PRKG1: variants seen among roughly 807,000 people sequenced by gnomAD.
The protein encoded by PRKG1 is protein kinase cGMP-dependent 1, also known as cGMP-dependent protein kinase 1.
A neutral mutation model predicts 88.1 loss-of-function variants in PRKG1; 35 were observed. The observed-to-expected ratio is 0.40, with a 90% confidence interval of 0.30 to 0.53. PRKG1 has a LOEUF of 0.53. Ranked by LOEUF, PRKG1 falls within the 20% of genes least tolerant of loss-of-function variation. PRKG1 has a pLI of 0.59. For missense variants in PRKG1, 540 were observed against 839.8 expected, an observed-to-expected ratio of 0.64 and a Z score of 4.41; for synonymous variants, 303 against 292.5, an observed-to-expected ratio of 1.04 and a Z score of -0.37.
intron 1 of PRKG1, among the ~76,000 whole-genome samples, chr10:51,020,192 G>C (rs1276816671): frequency 6.6e-6 from 1 of 152,174 alleles, no homozygotes; most frequent in African/African-American, 2.4e-5. Flanking sequence ...GATGGAGACA[G>C]GGTTTTGCCA....
At chr10:52,058,818 TA>T (rs1377624565) in intron 6 of PRKG1, among the ~76,000 whole-genome samples, 8 of 151,972 alleles carry the variant, frequency 5.3e-5, no homozygotes, top group Non-Finnish European at 8.8e-5. Flanking sequence ...TTATCAAATT[TA>T]GAAACTTTTA....
intron 2 of PRKG1, among the ~76,000 whole-genome samples, chr10:51,278,792 T>C (rs1409200997): frequency 2.6e-5 from 4 of 152,208 alleles, no homozygotes; most frequent in Non-Finnish European, 5.9e-5. Flanking sequence ...GTGGGATCAG[T>C]GGTGATATCC....
intron 1 of PRKG1, among the ~76,000 whole-genome samples, chr10:51,000,967 A>G (rs986822355): frequency 5.9e-5 from 9 of 152,198 alleles, no homozygotes; most frequent in African/African-American, 2.2e-4. Flanking sequence ...CTGTTTGTCA[A>G]CTTCTTCATA....
rs117941101 is a variant in PRKG1, at chr10:51,906,168, G to A, written c.699-1339G>A. Reference sequence around the variant, plus strand: ...TAGGAGTCGGCCTGGAGAAAGGTGTGTGTATGGAGGAAGACCTGGAAAGGG... The same window carrying A: ...TAGGAGTCGGCCTGGAGAAAGGTGTATGTATGGAGGAAGACCTGGAAAGGG... On this transcript the variant is annotated intron_variant, in intron 4 of 17. Transcript: ENST00000373980. 4.6e-3 allele frequency among the ~76,000 whole-genome samples: 695 copies of A among 152,264 alleles called. 2 individuals are homozygous for A. Among genetic ancestry groups the A allele is most frequent in the East Asian group, 0.022 (116 of 5,176 alleles).
At chr10:52,034,010 G>A (rs1369818420) in intron 5 of PRKG1, among the ~76,000 whole-genome samples, 1 of 151,698 alleles carries the variant, frequency 6.6e-6, no homozygotes, top group Admixed American at 6.6e-5. Context: ...GCCAGGAAAA[G>A]GACTTTCACA....
intron 2 of PRKG1, among the ~76,000 whole-genome samples, chr10:51,207,405 C>T (rs1385659313): frequency 6.6e-6 from 1 of 152,132 alleles, no homozygotes; most frequent in Non-Finnish European, 1.5e-5. Flanking sequence ...TGTCTAAGTC[C>T]TTCACCAGCA....
intron 3 of PRKG1, among the ~76,000 whole-genome samples, chr10:51,715,014 C>G (rs1018857181): frequency 6.6e-6 from 1 of 151,784 alleles, no homozygotes. Context: ...TTTTTATTTC[C>G]CCCCGTGGGA....
At chr10:51,014,967 ACTT>A (rs899030129) in intron 1 of PRKG1, among the ~76,000 whole-genome samples, 1 of 152,192 alleles carries the variant, frequency 6.6e-6, no homozygotes, top group African/African-American at 2.4e-5. Context: ...TGATGTTTTT[ACTT>A]CTTAGAGCAG....
intron 1 of PRKG1, among the ~76,000 whole-genome samples, chr10:50,993,120 T>A (rs10822055): frequency 0.18 from 27,009 of 152,084 alleles, 2,963 homozygotes; most frequent in South Asian, 0.3. Flanking sequence ...GGAGTCCCTC[T>A]TGTGTATTGA....
At chr10:51,981,554 T>TGATGTGA (rs1844011010) in intron 5 of PRKG1, among the ~76,000 whole-genome samples, 1 of 152,044 alleles carries the variant, frequency 6.6e-6, no homozygotes, top group Admixed American at 6.6e-5. Flanking sequence ...CCACTGTGCT[T>TGATGTGA]CAGCTTGGGT....
chr10:51,601,378 G>T (rs1387490509), intron 3 of PRKG1, among the ~76,000 whole-genome samples: 1 of 152,160 alleles, frequency 6.6e-6, no homozygotes, highest in Non-Finnish European at 1.5e-5. Flanking sequence ...CTAACAATTT[G>T]AAGTGAAGGG....
At chr10:51,845,182 A>G (rs959606792) in intron 4 of PRKG1, among the ~76,000 whole-genome samples, 2 of 152,112 alleles carry the variant, frequency 1.3e-5, no homozygotes, top group African/African-American at 4.8e-5. Flanking sequence ...TTTCCCCAAG[A>G]TAACGTATGC....
chr10:52,115,031 G>A (rs1301970312), intron 7 of PRKG1, among the ~76,000 whole-genome samples: 1 of 152,092 alleles, frequency 6.6e-6, no homozygotes, highest in Non-Finnish European at 1.5e-5. Context: ...AATAAATGAT[G>A]AGAGCAAATG....
intron 2 of PRKG1, among the ~76,000 whole-genome samples, chr10:51,328,392 C>A (rs1312982443): frequency 6.6e-6 from 1 of 152,118 alleles, no homozygotes; most frequent in East Asian, 1.9e-4. Context: ...ATGGACACTT[C>A]GGTTGATTCC....
At chr10:51,402,004 C>G (rs550548413) in intron 2 of PRKG1, among the ~76,000 whole-genome samples, 1 of 152,218 alleles carries the variant, frequency 6.6e-6, no homozygotes, top group South Asian at 2.1e-4. Context: ...TTCCACCATG[C>G]CTTTTTTGTT....
intron 5 of PRKG1, among the ~76,000 whole-genome samples, chr10:51,912,406 G>A (rs374569706): frequency 1.3e-5 from 2 of 152,294 alleles, no homozygotes; most frequent in African/African-American, 4.8e-5. Flanking sequence ...TCTGACACTT[G>A]TGAGAAGAAT....
intron 2 of PRKG1, among the ~76,000 whole-genome samples, chr10:51,327,724 C>T (rs969499151): frequency 6.6e-6 from 1 of 152,066 alleles, no homozygotes; most frequent in Non-Finnish European, 1.5e-5. Flanking sequence ...TATTTTAGGC[C>T]ATTTTAACAC....
chr10:51,120,958 G>A (rs933142966), intron 1 of PRKG1, among the ~76,000 whole-genome samples: 21 of 152,074 alleles, frequency 1.4e-4, no homozygotes, highest in Non-Finnish European at 2.9e-5. Context: ...TGGGGCTGTT[G>A]TTCCTTTTTG....
intron 3 of PRKG1, among the ~76,000 whole-genome samples, chr10:51,722,720 G>C (rs973892031): frequency 1.3e-5 from 2 of 152,158 alleles, no homozygotes; most frequent in South Asian, 4.1e-4. Context: ...AAGTAGAGCA[G>C]TAAGAAAGCA....
Sources: allele counts gnomAD v4.1 joint callset (sites outside exome capture counted in the v4.1 genomes callset), GRCh38; gene constraint gnomAD v4.1.1; transcripts MANE v1.5; gene names NCBI Gene and HGNC (gene_info 2026-07-23, HGNC 2026-07-21).